The following ITGB1 variants were observed in gnomAD, a reference collection of about 807,000 sequenced individuals.
ITGB1 encodes integrin subunit beta 1, also known as integrin beta-1.
A neutral mutation model predicts 86.5 loss-of-function variants in ITGB1; 24 were observed. The observed-to-expected ratio is 0.28, with a 90% CI of 0.20 to 0.39. The LOEUF (loss-of-function observed/expected upper bound fraction) is 0.39, where lower values mean the gene tolerates loss of function less well. ITGB1 is among the 10% of genes least tolerant of loss of function. The pLI is 1.00. For missense variants in ITGB1, 556 were observed against 946.9 expected, an observed-to-expected ratio of 0.59 and a Z score of 5.42; for synonymous variants, 323 against 316.8, an observed-to-expected ratio of 1.02 and a Z score of -0.21.
In ITGB1 at chr10:32,908,281, A is replaced by C. The variant is rs369965315; in HGVS notation, c.2331+87T>G. 7.2e-6 allele frequency: 9 copies of C among 1,253,270 alleles called. No homozygotes were observed. In the African/African-American group the frequency reaches 1.3e-4, roughly 19 times the overall value. The allele number at this position is 1,253,270 out of a possible 1,614,324, so 77.6% of individuals were successfully genotyped here. ...TAAAATACTTAGAAAGGACTTTAAT[A>C]ATCAGCCTGACAGCTAATACATAAG... On this transcript the variant is annotated intron_variant, in intron 15 of 15. Transcript: ENST00000302278.
intron 1 of ITGB1, among the ~76,000 whole-genome samples, chr10:32,955,935 G>C (rs1441109435): frequency 6.6e-6 from 1 of 152,244 alleles, no homozygotes; most frequent in Middle Eastern, 3.4e-3. Flanking sequence ...AAAATTGTAG[G>C]TTTAGGTCTG....
At chr10:32,950,578 T>A (rs1270596972) in intron 1 of ITGB1, among the ~76,000 whole-genome samples, 1 of 151,666 alleles carries the variant, frequency 6.6e-6, no homozygotes, top group East Asian at 1.9e-4. Flanking sequence ...AAAGGAGACA[T>A]GAAAGAGAAG....
chr10:32,952,790 T>C (rs927043085), intron 1 of ITGB1, among the ~76,000 whole-genome samples: 26 of 152,244 alleles, frequency 1.7e-4, no homozygotes, highest in African/African-American at 6.3e-4. Flanking sequence ...CCAACCACAA[T>C]CAACTTAATT....
chr10:32,957,988 A>G (rs1593894524), intron 1 of ITGB1, 157 bp downstream of exon 1: 1 of 143,512 alleles, frequency 7.0e-6, no homozygotes, highest in Non-Finnish European at 1.5e-5. Flanking sequence ...CCAGCCCCCA[A>G]CCGCTGGCGG....
At chr10:32,953,368 G>A (rs140563523) in intron 1 of ITGB1, among the ~76,000 whole-genome samples, 371 of 152,242 alleles carry the variant, frequency 2.4e-3, no homozygotes, top group Non-Finnish European at 4.2e-3. Flanking sequence ...CTTGATTCAT[G>A]TCCACTGAGT....
At chr10:32,923,878 T>C (rs149043275) in intron 6 of ITGB1, 138 bp from the exon 7 acceptor site, 7 of 707,390 alleles carry the variant, frequency 9.9e-6, no homozygotes, top group Non-Finnish European at 1.4e-5. Context: ...ACAATGGTAA[T>C]TATCTTGCTG....
chr10:32,917,725 T>A (rs986918941), intron 11 of ITGB1, among the ~76,000 whole-genome samples: 5 of 152,126 alleles, frequency 3.3e-5, no homozygotes, highest in Non-Finnish European at 7.4e-5. Flanking sequence ...GAGAAATAGG[T>A]ACACTTTTAC....
At chr10:32,940,343 CAAA>C (rs35732606) in intron 1 of ITGB1, among the ~76,000 whole-genome samples, 3 of 109,020 alleles carry the variant, frequency 2.8e-5, no homozygotes, top group African/African-American at 6.2e-5. Context: ...GACTCCATCT[CAAA>C]AAAAAAAAAA....
chr10:32,927,740 G>A (rs907410448), intron 5 of ITGB1, among the ~76,000 whole-genome samples: 1 of 151,288 alleles, frequency 6.6e-6, no homozygotes, highest in African/African-American at 2.4e-5. Context: ...GTTGCAGTGA[G>A]CCGAGATCAC....
At chr10:32,941,824 A>G (rs976613911) in intron 1 of ITGB1, among the ~76,000 whole-genome samples, 5 of 152,226 alleles carry the variant, frequency 3.3e-5, no homozygotes, top group African/African-American at 1.2e-4. Context: ...GAAGGATGGG[A>G]GAAAGAAAGG....
intron 11 of ITGB1, among the ~76,000 whole-genome samples, chr10:32,918,550 C>T (rs1437235710): frequency 1.3e-5 from 2 of 152,104 alleles, no homozygotes; most frequent in East Asian, 3.8e-4. Context: ...CATGTACATT[C>T]CAGCCACTCA....
intron 1 of ITGB1, among the ~76,000 whole-genome samples, chr10:32,938,295 G>C (rs1298644221): frequency 6.6e-6 from 1 of 152,218 alleles, no homozygotes; most frequent in African/African-American, 2.4e-5. Context: ...ATGCATTACT[G>C]TGATGAATGA....
intron 11 of ITGB1, among the ~76,000 whole-genome samples, chr10:32,913,066 C>A (rs995358954): frequency 6.6e-6 from 1 of 152,210 alleles, no homozygotes; most frequent in South Asian, 2.1e-4. Context: ...GAGTGGACCT[C>A]CAGCAAACTC....
At chr10:32,906,954 T>C (rs1316393308) in intron 15 of ITGB1, 2 of 525,818 alleles carry the variant, frequency 3.8e-6, no homozygotes, top group East Asian at 6.2e-5. Flanking sequence ...AATAGCGATA[T>C]TTAAAGCCAG....
rs368009619 is a variant in ITGB1, at chr10:32,932,592, T to C, written c.76A>G (p.Arg26Gly). Residue 26 changes from arginine to glycine, a missense_variant, in exon 3 of 16, where the codon AGA becomes GGA. By Grantham distance (125) the Arg-to-Gly change is moderately radical (BLOSUM62 -2). Transcript: ENST00000302278. ...GATTTGGCATTTGCTTTTAAACATC[T>C]ATTTTCATCTGTCAGAAAGAAGAAA... is the stretch of plus-strand genomic sequence containing the variant. ...CCVFAQTDEN[R>G]CLKANAKSCG... is the part of the protein sequence containing the mutation. The C allele has an allele frequency of 1.9e-6, 3 of 1,576,840 alleles. No homozygotes were observed. The African/African-American group carries it at 4.0e-5, about 21-fold the overall frequency.
At chr10:32,925,557 A>G (rs1400186989) in intron 6 of ITGB1, among the ~76,000 whole-genome samples, 1 of 152,232 alleles carries the variant, frequency 6.6e-6, no homozygotes, top group Non-Finnish European at 1.5e-5. Flanking sequence ...GTTAGGACAC[A>G]TGGGCTTTTC....
intron 1 of ITGB1, among the ~76,000 whole-genome samples, chr10:32,936,650 G>A (rs1357811825): frequency 1.3e-5 from 2 of 151,918 alleles, no homozygotes; most frequent in Non-Finnish European, 1.5e-5. Flanking sequence ...CTACCATTAG[G>A]TACATATATA....
intron 1 of ITGB1, among the ~76,000 whole-genome samples, chr10:32,945,284 G>A (rs879874745): frequency 2.1e-4 from 32 of 152,224 alleles, no homozygotes; most frequent in Admixed American, 9.2e-4. Flanking sequence ...ACAATTGGTA[G>A]TAATCTAACT....
rs1198338138 is a variant in ITGB1 at position 32,922,727 on chromosome 10, A to T, written c.951T>A (p.Pro317=). ...MYTMSHYYDY[P]SIAHLVQKLS... ...GTTTCTGGACAAGGTGAGCAATAGA[A>T]GGATAATCCTAAGAAATCAAGTAAT... Residue 317 remains proline, a synonymous_variant, in exon 8 of 16, where the codon CCT becomes CCA. Coordinates refer to ENST00000302278, the MANE Select transcript of ITGB1 (RefSeq NM_002211.4). The T allele has an allele frequency of 6.4e-7, 1 of 1,571,842 alleles. No individual in the cohort carries two copies. Among genetic ancestry groups the T allele is most frequent in the East Asian group, 2.2e-5 (1 of 44,466 alleles).
Sources: gnomAD v4.1 joint callset for allele counts (sites outside exome capture counted in the v4.1 genomes callset) on GRCh38, gnomAD v4.1.1 for gene constraint, MANE v1.5 for transcripts, NCBI Gene and HGNC (gene_info 2026-07-23, HGNC 2026-07-21) for gene names.